CDH2: variants seen among roughly 807,000 people sequenced by gnomAD.
CDH2 encodes cadherin 2.
CDH2 carries 17 observed loss-of-function variants against 92.0 expected under a neutral mutation model. The observed-to-expected ratio is 0.18, with a 90% confidence interval of 0.13 to 0.28. CDH2 has a LOEUF of 0.28. Ranked by LOEUF, CDH2 falls within the 10% of genes least tolerant of loss-of-function variation. The pLI is 1.00. For missense variants in CDH2, 862 were observed against 1,133.1 expected (o/e 0.76, Z 3.44); for synonymous variants, 419 against 415.9 (o/e 1.01, Z -0.09).
At position 28,052,995 on chromosome 18, in the gene CDH2, T is replaced by C. The variant is rs542688165; in HGVS notation, c.173-39086A>G. ...TAATCCAATATGCCTGGTGTCCATA[T>C]AAAAAGACGAATTTTGGACACAGAC... On this transcript the variant is annotated intron_variant, in intron 2 of 15. Coordinates refer to ENST00000269141, the MANE Select transcript of CDH2 (RefSeq NM_001792.5). Among the ~76,000 whole-genome samples, 5 of 152,236 alleles carry C rather than the reference T, an allele frequency of 3.3e-5. No homozygotes were observed. In the South Asian group the frequency reaches 6.2e-4, roughly 19 times the overall value.
chr18:28,013,593 T>C, intron 3 of CDH2, 90 bp downstream of exon 3: 1 of 882,040 alleles, frequency 1.1e-6, no homozygotes, highest in Non-Finnish European at 1.9e-6. Context: ...TGGCCATCCA[T>C]TAATGTGGTC....
At chr18:27,933,669 T>C (rs1280212243) in intron 6 of CDH2, among the ~76,000 whole-genome samples, 1 of 152,204 alleles carries the variant, frequency 6.6e-6, no homozygotes, top group African/African-American at 2.4e-5. Context: ...AGATTAAACA[T>C]CTTGTAATTC....
In CDH2 at chr18:28,000,333, C is replaced by A. The variant is rs189501738; in HGVS notation, c.1020+2664G>T. Among the ~76,000 whole-genome samples, 156 of 152,290 alleles carry A rather than the reference C, an allele frequency of 1.0e-3. 6 individuals carry two copies. Among genetic ancestry groups the A allele is most frequent in the African/African-American group, 3.6e-3 (151 of 41,562 alleles). On this transcript the variant is annotated intron_variant, in intron 7 of 15. Coordinates refer to ENST00000269141, the MANE Select transcript of CDH2 (RefSeq NM_001792.5). ...TCCAGGCAGGTCTTGAACTTCTGGG[C>A]TCAAGCCATCCACCCACCTCAACCT...
intron 2 of CDH2, among the ~76,000 whole-genome samples, chr18:28,106,711 A>G (rs946998184): frequency 6.6e-5 from 10 of 152,186 alleles, no homozygotes; most frequent in East Asian, 3.8e-4. Flanking sequence ...CCTTTTTACT[A>G]TATGATGGTA....
At chr18:27,991,214 T>C (rs2012403833) in intron 9 of CDH2, among the ~76,000 whole-genome samples, 2 of 152,286 alleles carry the variant, frequency 1.3e-5, no homozygotes, top group Admixed American at 1.3e-4. Flanking sequence ...TAAGCATTAC[T>C]GTGCAGTAAT....
At chr18:27,958,671 C>T (rs1032715851) in intron 15 of CDH2, among the ~76,000 whole-genome samples, 6 of 151,928 alleles carry the variant, frequency 3.9e-5, no homozygotes, top group South Asian at 2.1e-4. Flanking sequence ...CACAATGATA[C>T]GGTTTGACTT....
At position 28,011,852 on chromosome 18, in the gene CDH2, A is replaced by G; in HGVS notation, c.540T>C (p.Leu180=). Residue 180 remains leucine (L), a synonymous_variant, in exon 4 of 16, where the codon CTT becomes CTC. Transcript: ENST00000269141. ...ENSRGPFPQE[L]VRIRSDRDKN... Reference sequence around the variant, plus strand: ...TAAAATTGTGCCACCTTACCCTGACAAGCTCTTGAGGAAAAGGTCCCCTGG... The same window carrying G: ...TAAAATTGTGCCACCTTACCCTGACGAGCTCTTGAGGAAAAGGTCCCCTGG... 3 of 1,614,030 alleles carry G rather than the reference A, an allele frequency of 1.9e-6. No individual in the cohort carries two copies. Among genetic ancestry groups the G allele is most frequent in the Non-Finnish European group, 2.5e-6 (3 of 1,179,900 alleles).
At chr18:27,972,910 A>C (rs1270921623) in intron 14 of CDH2, among the ~76,000 whole-genome samples, 4 of 152,186 alleles carry the variant, frequency 2.6e-5, no homozygotes, top group Non-Finnish European at 4.4e-5. Flanking sequence ...ACTCTAAGAC[A>C]AGATGTCTTG....
intron 2 of CDH2, among the ~76,000 whole-genome samples, chr18:28,123,635 G>A (rs186293489): frequency 2.6e-5 from 4 of 152,204 alleles, no homozygotes; most frequent in Non-Finnish European, 5.9e-5. Flanking sequence ...AATTTTGATC[G>A]TGCTTTAGAA....
At chr18:28,052,806 C>T (rs1166615281) in intron 2 of CDH2, among the ~76,000 whole-genome samples, 1 of 152,160 alleles carries the variant, frequency 6.6e-6, no homozygotes, top group African/African-American at 2.4e-5. Flanking sequence ...TCTCCCTCTT[C>T]AAATCACTAG....
At chr18:27,997,669 G>A (rs749667898) in intron 7 of CDH2, among the ~76,000 whole-genome samples, 7 of 152,138 alleles carry the variant, frequency 4.6e-5, no homozygotes, top group African/African-American at 1.4e-4. Flanking sequence ...TCCTGGTCAC[G>A]TGAAATAGGA....
At chr18:28,003,219 C>T (rs769924435) in intron 6 of CDH2, 50 bp from the exon 7 acceptor site, 1 of 1,389,154 alleles carries the variant, frequency 7.2e-7, no homozygotes, top group Non-Finnish European at 1.0e-6. Flanking sequence ...ATTCCAGGGA[C>T]CCCAAAATAG....
intron 2 of CDH2, among the ~76,000 whole-genome samples, chr18:28,062,895 C>G (rs1366212335): frequency 6.6e-6 from 1 of 152,084 alleles, no homozygotes; most frequent in Non-Finnish European, 1.5e-5. Flanking sequence ...ATTGCTTGCA[C>G]CTGGGAGGAG....
intron 15 of CDH2, chr18:27,959,622 G>C (rs1461235940): frequency 6.6e-6 from 1 of 152,196 alleles, no homozygotes; most frequent in East Asian, 1.9e-4. Context: ...AAAGAGTCTA[G>C]ATGGTATTTT....
intron 2 of CDH2, among the ~76,000 whole-genome samples, chr18:28,029,041 C>G (rs1268104517): frequency 6.6e-6 from 1 of 152,070 alleles, no homozygotes; most frequent in Non-Finnish European, 1.5e-5. Context: ...CTTCCCAATG[C>G]ATCTTTTTAT....
At chr18:28,131,138 A>C (rs1214128359) in intron 2 of CDH2, among the ~76,000 whole-genome samples, 3 of 152,222 alleles carry the variant, frequency 2.0e-5, no homozygotes. Flanking sequence ...AAAGGACAAA[A>C]AAGATATTTT....
chr18:28,103,987 T>C (rs1048069075), intron 2 of CDH2, among the ~76,000 whole-genome samples: 1 of 152,114 alleles, frequency 6.6e-6, no homozygotes, highest in Non-Finnish European at 1.5e-5. Context: ...CCAGGAGAAG[T>C]TGGGGCACCA....
chr18:28,050,709 C>T (rs541516371), intron 2 of CDH2, among the ~76,000 whole-genome samples: 12 of 152,234 alleles, frequency 7.9e-5, no homozygotes, highest in African/African-American at 2.9e-4. Context: ...TCTGCAGGGA[C>T]TCATCTAGCA....
intron 2 of CDH2, among the ~76,000 whole-genome samples, chr18:28,043,563 G>A (rs1294221433): frequency 2.8e-5 from 4 of 142,190 alleles, no homozygotes; most frequent in Non-Finnish European, 4.6e-5. Flanking sequence ...GAGCTTTAAG[G>A]ACACTTAAAC....
Sources: gnomAD v4.1 joint callset for allele counts (sites outside exome capture counted in the v4.1 genomes callset) on GRCh38, gnomAD v4.1.1 for gene constraint, MANE v1.5 for transcripts, NCBI Gene and HGNC (gene_info 2026-07-23, HGNC 2026-07-21) for gene names.